Variants in S100A8 observed in about 807,000 individuals in gnomAD.
S100A8 encodes the protein protein S100-A8.
In S100A8, 1 loss-of-function variant was observed where a neutral mutation model predicts 4.2. The observed-to-expected ratio is 0.24, with a 90% CI of 0.08 to 1.12. The LOEUF is 1.12. Among genes scored for constraint, S100A8 ranks in the 50% most tolerant of loss-of-function variants. S100A8 has a pLI of 0.53. For synonymous variants in S100A8, 41 were observed against 44.7 expected (o/e 0.92, Z 0.33); for missense variants, 96 against 111.8 (o/e 0.86, Z 0.64).
chr1:153,398,676 A>G, the S100A8 span, among the ~76,000 whole-genome samples: 3 of 152,292 alleles, frequency 2.0e-5, no homozygotes, highest in East Asian at 5.8e-4. Context: ...GAATCAGGAC[A>G]ACTGCTGCTT....
chr1:153,417,460 G>A, the S100A8 span, among the ~76,000 whole-genome samples: 5 of 152,154 alleles, frequency 3.3e-5, no homozygotes, highest in African/African-American at 1.2e-4. Context: ...CCAAGGGAAT[G>A]TAGGAAGGGC....
At position 153,390,062 on chromosome 1, in the gene S100A8, G is replaced by A. The variant is rs752200534; in HGVS notation, c.*41C>T. ...TATTGATGACTTTATTATTCTGCAG[G>A]TACATGTCCAGGGGCCCAGCCTCTG... On this transcript the variant is annotated 3_prime_UTR_variant, in exon 3 of 3. Coordinates refer to ENST00000368733, the MANE Select transcript of S100A8 (RefSeq NM_002964.5). 6.4e-7 allele frequency: 1 copy of A among 1,563,382 alleles called. No homozygotes were observed. Among genetic ancestry groups the A allele is most frequent in the Non-Finnish European group, 8.7e-7 (1 of 1,148,598 alleles).
chr1:153,400,852 G>T, the S100A8 span, among the ~76,000 whole-genome samples: 2 of 152,104 alleles, frequency 1.3e-5, no homozygotes, highest in African/African-American at 4.8e-5. Flanking sequence ...CCATAACCAA[G>T]AAACAAAAAT....
chr1:153,412,638 A>C, the S100A8 span, among the ~76,000 whole-genome samples: 1 of 152,246 alleles, frequency 6.6e-6, no homozygotes, highest in Non-Finnish European at 1.5e-5. Flanking sequence ...TACTGGGTAT[A>C]TACCCAAGGG....
the S100A8 span, chr1:153,418,192 A>C: frequency 6.2e-7 from 1 of 1,613,992 alleles, no homozygotes; most frequent in Non-Finnish European, 8.5e-7. Flanking sequence ...ACGATGATGA[A>C]GGAGAACTTC....
upstream of S100A8, among the ~76,000 whole-genome samples, chr1:153,391,961 C>T (rs1662110260): frequency 6.6e-6 from 1 of 152,136 alleles, no homozygotes; most frequent in Non-Finnish European, 1.5e-5. Context: ...AGGAGGTGGC[C>T]AATTCCCCAG....
the S100A8 span, among the ~76,000 whole-genome samples, chr1:153,416,331 T>TG: frequency 6.6e-6 from 1 of 152,208 alleles, no homozygotes. Context: ...GTGAGGTCTC[T>TG]GGGGTGGGGT....
chr1:153,395,005 C>T (rs111374027), upstream of S100A8, among the ~76,000 whole-genome samples: 19 of 152,236 alleles, frequency 1.2e-4, no homozygotes, highest in Middle Eastern at 3.4e-3. Context: ...GCAGAGGAGA[C>T]CCTCCCTAAG....
At chr1:153,394,358 C>A (rs1662169685), upstream of S100A8, among the ~76,000 whole-genome samples, 1 of 152,180 alleles carries the variant, frequency 6.6e-6, no homozygotes, top group Non-Finnish European at 1.5e-5. Context: ...GGTATTTCTC[C>A]CCTGGGCCTG....
the S100A8 span, among the ~76,000 whole-genome samples, chr1:153,407,619 G>C: frequency 6.6e-6 from 1 of 152,210 alleles, no homozygotes; most frequent in Non-Finnish European, 1.5e-5. Context: ...GAAGAGAGTA[G>C]TGGTTCTCCA....
At chr1:153,397,589 T>A in the S100A8 span, among the ~76,000 whole-genome samples, 1 of 152,064 alleles carries the variant, frequency 6.6e-6, no homozygotes, top group Non-Finnish European at 1.5e-5. Flanking sequence ...AAGGTGGGCA[T>A]CGGGAGCACT....
chr1:153,394,722 G>A (rs1011872011), upstream of S100A8, among the ~76,000 whole-genome samples: 1 of 152,104 alleles, frequency 6.6e-6, no homozygotes, highest in Admixed American at 6.5e-5. Flanking sequence ...GAGCAGCAGG[G>A]GCAAATTCTG....
At chr1:153,408,047 A>C in the S100A8 span, among the ~76,000 whole-genome samples, 1 of 152,234 alleles carries the variant, frequency 6.6e-6, no homozygotes, top group African/African-American at 2.4e-5. Context: ...GAAAACTCTA[A>C]AAATCAGAGC....
At chr1:153,399,145 C>A in the S100A8 span, among the ~76,000 whole-genome samples, 1 of 152,152 alleles carries the variant, frequency 6.6e-6, no homozygotes, top group Admixed American at 6.5e-5. Flanking sequence ...CCCAGAGATT[C>A]CCCAACGCTC....
At chr1:153,418,668 G>C in the S100A8 span, among the ~76,000 whole-genome samples, 1 of 152,194 alleles carries the variant, frequency 6.6e-6, no homozygotes, top group Non-Finnish European at 1.5e-5. Context: ...GAAAAAACCT[G>C]TGGGCTACTA....
At chr1:153,416,921 C>T in the S100A8 span, among the ~76,000 whole-genome samples, 2 of 152,258 alleles carry the variant, frequency 1.3e-5, no homozygotes, top group African/African-American at 4.8e-5. Flanking sequence ...GCTCTGCCCC[C>T]ACAGAGGGAG....
chr1:153,419,195 G>A, the S100A8 span: 13 of 1,614,096 alleles, frequency 8.1e-6, no homozygotes, highest in South Asian at 4.4e-5. Flanking sequence ...AAAAGGACAA[G>A]AATGAGGATA....
chr1:153,419,746 C>T, the S100A8 span: 4 of 159,748 alleles, frequency 2.5e-5, no homozygotes, highest in African/African-American at 9.6e-5. Context: ...CCACTCCTGC[C>T]CCAGCTGTTC....
upstream of S100A8, chr1:153,391,201 G>A: frequency 3.0e-6 from 3 of 985,516 alleles, no homozygotes; most frequent in Non-Finnish European, 3.6e-6. Context: ...CCAGGTGAAT[G>A]TGGCAATCAC....
Sources: gnomAD v4.1 joint callset for allele counts (sites outside exome capture counted in the v4.1 genomes callset) on GRCh38, gnomAD v4.1.1 for gene constraint, MANE v1.5 for transcripts, NCBI Gene and HGNC (gene_info 2026-07-23, HGNC 2026-07-21) for gene names.